SH3D19: variants seen among roughly 807,000 people sequenced by gnomAD.
SH3D19 encodes the protein SH3 domain-containing protein 19.
Under a neutral mutation model 112.1 loss-of-function variants are expected in SH3D19, and 58 were observed. That is an observed-to-expected ratio of 0.52 (90% CI 0.42 to 0.64). The LOEUF (loss-of-function observed/expected upper bound fraction) is 0.64. Among genes scored for constraint, SH3D19 ranks in the 30% least tolerant of loss-of-function variants. The pLI, the probability that SH3D19 is intolerant of heterozygous loss-of-function variation, is 0.00. For synonymous variants in SH3D19, 391 were observed against 448.5 expected, an observed-to-expected ratio of 0.87 and a Z score of 1.62; for missense variants, 1,090 against 1,263.4, an observed-to-expected ratio of 0.86 and a Z score of 2.08.
intron 1 of SH3D19, among the ~76,000 whole-genome samples, chr4:151,271,341 T>C (rs1773211816): frequency 6.6e-6 from 1 of 152,206 alleles, no homozygotes; most frequent in Admixed American, 6.5e-5. Flanking sequence ...CCCTTTCTGT[T>C]AATACAGATA....
At chr4:151,193,037 G>A (rs1328186004) in intron 2 of SH3D19, among the ~76,000 whole-genome samples, 3 of 151,248 alleles carry the variant, frequency 2.0e-5, no homozygotes, top group African/African-American at 7.3e-5. Context: ...GAAAGAATGT[G>A]TCATGTAACA....
At chr4:151,211,926 A>T (rs1179912111) in intron 2 of SH3D19, among the ~76,000 whole-genome samples, 1 of 152,260 alleles carries the variant, frequency 6.6e-6, no homozygotes, top group Non-Finnish European at 1.5e-5. Context: ...GCAGCAAGTT[A>T]TCCAGCAGAT....
chr4:151,260,527 C>T (rs1772293442), intron 1 of SH3D19, among the ~76,000 whole-genome samples: 1 of 152,178 alleles, frequency 6.6e-6, no homozygotes, highest in Non-Finnish European at 1.5e-5. Context: ...TATACTTTGA[C>T]TCTAACATAG....
At chr4:151,248,880 G>A (rs1302448056) in intron 1 of SH3D19, among the ~76,000 whole-genome samples, 2 of 152,122 alleles carry the variant, frequency 1.3e-5, no homozygotes, top group Non-Finnish European at 2.9e-5. Context: ...TTTCCTTAGA[G>A]TGAATTTATA....
chr4:151,279,371 AATG>A (rs1351844861), intron 1 of SH3D19, among the ~76,000 whole-genome samples: 1 of 152,170 alleles, frequency 6.6e-6, no homozygotes, highest in East Asian at 1.9e-4. Context: ...TTTTAAGTTA[AATG>A]ATATTCCATG....
At chr4:151,129,435 T>C (rs556785415) in intron 17 of SH3D19, among the ~76,000 whole-genome samples, 56 of 152,286 alleles carry the variant, frequency 3.7e-4, no homozygotes, top group African/African-American at 1.3e-3. Flanking sequence ...AATGATGCAA[T>C]CTTGGCTCAA....
At chr4:151,315,403 T>C (rs1345092448) in intron 1 of SH3D19, among the ~76,000 whole-genome samples, 2 of 152,234 alleles carry the variant, frequency 1.3e-5, no homozygotes, top group Non-Finnish European at 2.9e-5. Flanking sequence ...GAAAGGAATT[T>C]ATATTAGTCA....
intron 8 of SH3D19, among the ~76,000 whole-genome samples, chr4:151,162,493 T>A (rs901118902): frequency 1.3e-5 from 2 of 152,128 alleles, no homozygotes; most frequent in African/African-American, 4.8e-5. Context: ...CATATCCTTT[T>A]CAGGATTTCA....
chr4:151,190,056 G>A (rs1459626374), intron 2 of SH3D19, among the ~76,000 whole-genome samples: 1 of 152,202 alleles, frequency 6.6e-6, no homozygotes, highest in Admixed American at 6.5e-5. Context: ...GGGAACTTGA[G>A]CAAAGGTGAC....
At chr4:151,322,699 C>T (rs1040501013) in intron 1 of SH3D19, among the ~76,000 whole-genome samples, 1 of 152,160 alleles carries the variant, frequency 6.6e-6, no homozygotes, top group Non-Finnish European at 1.5e-5. Flanking sequence ...AAAACACACA[C>T]ACATTTATTT....
At chr4:151,225,321 T>C (rs565245780) in intron 2 of SH3D19, among the ~76,000 whole-genome samples, 2 of 152,334 alleles carry the variant, frequency 1.3e-5, no homozygotes, top group Admixed American at 1.3e-4. Context: ...TTCATAGTAC[T>C]GGGTTACAAA....
At chr4:151,135,887 C>T (rs1240659875) in intron 14 of SH3D19, among the ~76,000 whole-genome samples, 2 of 152,066 alleles carry the variant, frequency 1.3e-5, no homozygotes, top group Non-Finnish European at 2.9e-5. Flanking sequence ...TTTGGATTCT[C>T]GGGCTGAGCA....
intron 2 of SH3D19, among the ~76,000 whole-genome samples, chr4:151,200,298 C>CA (rs1764216105): frequency 6.6e-6 from 1 of 151,960 alleles, no homozygotes; most frequent in Admixed American, 6.6e-5. Context: ...TACATTTATA[C>CA]AAAAAAAGTG....
intron 3 of SH3D19, chr4:151,181,727 G>C (rs1760973783): frequency 6.6e-6 from 1 of 152,002 alleles, no homozygotes; most frequent in Admixed American, 6.6e-5. Context: ...CTATTCATGA[G>C]TGCTAAGGGA....
At chr4:151,150,184 C>CAA (rs759365990) in intron 9 of SH3D19, among the ~76,000 whole-genome samples, 265 of 7,180 alleles carry the variant, frequency 0.037, 74 homozygotes, top group East Asian at 0.042. Context: ...GACTCCATCT[C>CAA]AAAAAAAAAA....
chr4:151,245,789 A>G (rs2149972144), intron 1 of SH3D19, among the ~76,000 whole-genome samples: 1 of 152,224 alleles, frequency 6.6e-6, no homozygotes, highest in Admixed American at 6.5e-5. Context: ...TTTAGTAGAG[A>G]CGAGGTTTCA....
chr4:151,186,353 T>C (rs768241678), intron 3 of SH3D19, among the ~76,000 whole-genome samples: 2 of 152,268 alleles, frequency 1.3e-5, no homozygotes, highest in Admixed American at 6.5e-5. Context: ...CCCGTCTTTA[T>C]AGGCACTTAT....
chr4:151,213,094 T>G (rs1427093697), intron 2 of SH3D19, among the ~76,000 whole-genome samples: 5 of 152,248 alleles, frequency 3.3e-5, no homozygotes, highest in Non-Finnish European at 2.9e-5. Flanking sequence ...CTTCAGTGGA[T>G]GAGGAGTTCC....
At chr4:151,278,352 T>G (rs1320630235) in intron 1 of SH3D19, among the ~76,000 whole-genome samples, 8 of 151,702 alleles carry the variant, frequency 5.3e-5, no homozygotes, top group Non-Finnish European at 1.2e-4. Context: ...CACTGCAACC[T>G]CAGACTCCTG....
Sources: allele counts gnomAD v4.1 joint callset (sites outside exome capture counted in the v4.1 genomes callset), GRCh38; gene constraint gnomAD v4.1.1; transcripts MANE v1.5; gene names NCBI Gene and HGNC (gene_info 2026-07-23, HGNC 2026-07-21).